PDE4D: variants seen among roughly 807,000 people sequenced by gnomAD.
The protein encoded by PDE4D is 3',5'-cyclic-AMP phosphodiesterase 4D.
Under a neutral mutation model 87.4 loss-of-function variants are expected in PDE4D, and 24 were observed. That is an observed-to-expected ratio of 0.27 (90% CI 0.20 to 0.39). The LOEUF is 0.39. Among genes scored for constraint, PDE4D ranks in the 10% least tolerant of loss-of-function variants. The pLI, the probability that PDE4D is intolerant of heterozygous loss-of-function variation, is 1.00. For synonymous variants in PDE4D, 384 were observed against 383.2 expected, an observed-to-expected ratio of 1.00 and a Z score of -0.02; for missense variants, 714 against 1,041.0, an observed-to-expected ratio of 0.69 and a Z score of 4.32.
chr5:60,358,862 T>C (rs771205002), intron 1 of PDE4D, among the ~76,000 whole-genome samples: 5 of 152,216 alleles, frequency 3.3e-5, no homozygotes, highest in Non-Finnish European at 7.3e-5. Flanking sequence ...TGGTATTATA[T>C]GTGATATTTA....
intron 1 of PDE4D, among the ~76,000 whole-genome samples, chr5:59,365,000 G>C (rs1192165322): frequency 6.6e-6 from 1 of 152,066 alleles, no homozygotes; most frequent in Admixed American, 6.6e-5. Flanking sequence ...TGCCCAAAGA[G>C]AACTTAGGGC....
intron 3 of PDE4D, among the ~76,000 whole-genome samples, chr5:59,921,962 G>A (rs982115428): frequency 2.6e-5 from 4 of 152,186 alleles, no homozygotes; most frequent in Non-Finnish European, 5.9e-5. Context: ...AGGAAAGAAA[G>A]TCTTGAATGG....
At chr5:59,833,625 A>C (rs1741572204) in intron 1 of PDE4D, among the ~76,000 whole-genome samples, 1 of 152,012 alleles carries the variant, frequency 6.6e-6, no homozygotes, top group Non-Finnish European at 1.5e-5. Flanking sequence ...GGCATTATCC[A>C]ATATCAACAA....
chr5:59,903,696 G>A (rs1752524291), intron 3 of PDE4D, among the ~76,000 whole-genome samples: 1 of 152,058 alleles, frequency 6.6e-6, no homozygotes. Context: ...AGAAACTGAA[G>A]CACACAGAAG....
rs1053603402 is a variant in PDE4D at position 60,137,796 on chromosome 5, C to A, written c.42+47761G>T. ...GAAGCTCTTTAGTTTAATTAGATCC[C>A]ATTTGTCAATTTTTGCTTTTTTTTG... On this transcript the variant is annotated intron_variant, in intron 2 of 16. Transcript: ENST00000502484. Among the ~76,000 whole-genome samples, 14 of 152,084 alleles carry A rather than the reference C, an allele frequency of 9.2e-5. No individual in the cohort carries two copies. In the East Asian group the frequency reaches 2.5e-3, roughly 27 times the overall value.
intron 1 of PDE4D, among the ~76,000 whole-genome samples, chr5:59,864,206 T>A (rs578092831): frequency 6.6e-6 from 1 of 152,322 alleles, no homozygotes; most frequent in South Asian, 2.1e-4. Flanking sequence ...GTCCAGGGGA[T>A]GCTGAGCAGT....
rs186579823 is a variant in PDE4D at position 60,498,080 on chromosome 5, C to G, written n.70+23971G>C. ...CCATTCAAACTTAAATCTTGTTCTT[C>G]TGCACAGAAAAGTTTGGATAACAGA... On this transcript the variant is annotated intron_variant and non_coding_transcript_variant, in intron 1 of 2. Coordinates refer to the PDE4D transcript ENST00000506510. Among the ~76,000 whole-genome samples, 5 of 152,192 alleles carry G rather than the reference C, an allele frequency of 3.3e-5. No homozygotes were observed. In the East Asian group the frequency reaches 9.6e-4, roughly 29 times the overall value.
chr5:60,062,691 T>C (rs1427385722), intron 2 of PDE4D, among the ~76,000 whole-genome samples: 1 of 152,012 alleles, frequency 6.6e-6, no homozygotes, highest in African/African-American at 2.4e-5. Flanking sequence ...ATAGACTGGA[T>C]AAAGAAAATG....
Position 58,974,835 on chromosome 5 carries a change from G to A in PDE4D, c.2259C>T (p.Gly753=), listed in dbSNP as rs538879121. ...AGCTAGTGTCTTCTTCCACTTGACT[G>A]CCACTGTCCTTTTCCGTGTCTGACT... ...DGESDTEKDS[G]SQVEEDTSCS... The change falls in exon 15 of 15, where the codon GGC becomes GGT. Residue 753 remains glycine (G), a synonymous_variant. Coordinates refer to ENST00000340635, the MANE Select transcript of PDE4D (RefSeq NM_001104631.2). The A allele has an allele frequency of 1.1e-5, 17 of 1,613,394 alleles. No individual in the cohort carries two copies. In the East Asian group the frequency reaches 1.3e-4, roughly 13 times the overall value.
chr5:60,180,665 T>C (rs1784308432), intron 2 of PDE4D, among the ~76,000 whole-genome samples: 1 of 152,106 alleles, frequency 6.6e-6, no homozygotes, highest in Non-Finnish European at 1.5e-5. Flanking sequence ...ATTCAGTAAA[T>C]ATTTGTAGAA....
intron 1 of PDE4D, among the ~76,000 whole-genome samples, chr5:59,736,441 G>A (rs1219146249): frequency 6.6e-6 from 1 of 152,152 alleles, no homozygotes; most frequent in Admixed American, 6.5e-5. Context: ...CACTTTGGGA[G>A]GCTGAGGCGG....
chr5:60,074,151 T>C (rs1331728387), intron 2 of PDE4D, among the ~76,000 whole-genome samples: 1 of 152,168 alleles, frequency 6.6e-6, no homozygotes, highest in Non-Finnish European at 1.5e-5. Context: ...AACTTTTTGA[T>C]GTGAGCATTT....
chr5:60,167,514 C>T (rs559940347), intron 2 of PDE4D, among the ~76,000 whole-genome samples: 4 of 152,072 alleles, frequency 2.6e-5, no homozygotes, highest in South Asian at 2.1e-4. Context: ...GTGATCCGCC[C>T]GCCTCGGCCT....
rs1327091409 is a variant in PDE4D at position 59,331,713 on chromosome 5, G to A, written c.456-115745C>T. Reference sequence around the variant, plus strand: ...CAAAGTCCCTCTGTTCAGAATCCAAGGCCTGTTGCCCCATGTTAAATTTAT... The same window carrying A: ...CAAAGTCCCTCTGTTCAGAATCCAAAGCCTGTTGCCCCATGTTAAATTTAT... On this transcript the variant is annotated intron_variant, in intron 1 of 14. Coordinates refer to ENST00000340635, the MANE Select transcript of PDE4D (RefSeq NM_001104631.2). Among the ~76,000 whole-genome samples, 5 of 152,104 alleles carry A rather than the reference G, an allele frequency of 3.3e-5. No individual in the cohort carries two copies. In the East Asian group the frequency reaches 7.7e-4, roughly 23 times the overall value.
intron 1 of PDE4D, among the ~76,000 whole-genome samples, chr5:59,823,794 T>C (rs1163229053): frequency 1.3e-5 from 1 of 78,670 alleles, no homozygotes; most frequent in Admixed American, 1.7e-4. Context: ...AACCCTTCCA[T>C]TTTTTTTTTA....
At position 60,167,194 on chromosome 5, in the gene PDE4D, G is replaced by A. The variant is rs142426662; in HGVS notation, c.42+18363C>T. On this transcript the variant is annotated intron_variant, in intron 2 of 16. Coordinates refer to the PDE4D transcript ENST00000502484. ...CCAATGACTCAAACATTTGTTTTTT[G>A]ATGCTGTCACATAAATCTCATATGC... 4.3e-3 allele frequency among the ~76,000 whole-genome samples: 640 copies of A among 149,808 alleles called. 3 individuals are homozygous for A. The highest frequency in any genetic ancestry group is 8.8e-3 in the Admixed American group (132 of 15,082).
chr5:59,066,810 GC>G (rs1385565904), intron 5 of PDE4D, among the ~76,000 whole-genome samples: 11 of 151,892 alleles, frequency 7.2e-5, no homozygotes, highest in Non-Finnish European at 1.5e-4. Flanking sequence ...TATAAAGGAG[GC>G]CCAAGAGAGC....
intron 11 of PDE4D, among the ~76,000 whole-genome samples, chr5:58,979,939 C>T (rs993341044): frequency 6.6e-6 from 1 of 152,146 alleles, no homozygotes; most frequent in African/African-American, 2.4e-5. Flanking sequence ...TCTGGCTTCC[C>T]CTAGGCACTT....
At chr5:59,963,384 CTGAATAACCA>C in intron 3 of PDE4D, among the ~76,000 whole-genome samples, 1 of 152,164 alleles carries the variant, frequency 6.6e-6, no homozygotes, top group Non-Finnish European at 1.5e-5. Context: ...GAAAGCATGA[CTGAATAACCA>C]CTGTCACCTA....
Sources: allele counts gnomAD v4.1 joint callset (sites outside exome capture counted in the v4.1 genomes callset), GRCh38; gene constraint gnomAD v4.1.1; transcripts MANE v1.5; gene names NCBI Gene and HGNC (gene_info 2026-07-23, HGNC 2026-07-21).